Variants in GYS2 observed in about 807,000 individuals in gnomAD.
GYS2 encodes glycogen [starch] synthase, liver.
A neutral mutation model predicts 85.6 loss-of-function variants in GYS2; 80 were observed. The observed-to-expected ratio is 0.93, with a 90% confidence interval of 0.78 to 1.13. GYS2 has a LOEUF of 1.13. GYS2 is among the 50% of genes most tolerant of loss of function. The pLI is 0.00. For missense variants in GYS2, 881 were observed against 854.9 expected (o/e 1.03, Z -0.38); for synonymous variants, 328 against 300.7 (o/e 1.09, Z -0.94).
chr12:21,548,215 T>TA (rs201638192), intron 11 of GYS2, among the ~76,000 whole-genome samples: 3 of 151,504 alleles, frequency 2.0e-5, no homozygotes, highest in South Asian at 2.1e-4. Flanking sequence ...ATGGAGAAAA[T>TA]TTTTTTTTTG....
At chr12:21,561,876 G>A (rs1437708326) in intron 7 of GYS2, among the ~76,000 whole-genome samples, 1 of 152,044 alleles carries the variant, frequency 6.6e-6, no homozygotes, top group African/African-American at 2.4e-5. Context: ...CTGCTCTAAA[G>A]CAAAAAATTT....
chr12:21,604,660 A>G lies in GYS2; in HGVS notation c.-68T>C. 6.2e-7 allele frequency: 1 copy of G among 1,605,972 alleles called. No homozygotes were observed. Among genetic ancestry groups the G allele is most frequent in the Non-Finnish European group, 8.5e-7 (1 of 1,174,806 alleles). On this transcript the variant is annotated 5_prime_UTR_variant, in exon 1 of 16. Coordinates refer to ENST00000261195, the MANE Select transcript of GYS2 (RefSeq NM_021957.4). ...ATTAGTTGTAATCCCAGGAGAAGAGAACTTACAGGCACAAAAGTTAGAGTT... is the reference window on the plus strand; with the variant it reads ...ATTAGTTGTAATCCCAGGAGAAGAGGACTTACAGGCACAAAAGTTAGAGTT...
intron 7 of GYS2, 42 bp downstream of exon 7, chr12:21,562,876 C>T (rs753693698): frequency 2.7e-5 from 43 of 1,608,378 alleles, no homozygotes; most frequent in Non-Finnish European, 8.5e-7. Context: ...GAAGAAAGTT[C>T]TCCCTACAAG....
intron 2 of GYS2, among the ~76,000 whole-genome samples, chr12:21,577,140 T>C (rs1944455556): frequency 6.6e-6 from 1 of 152,154 alleles, no homozygotes; most frequent in African/African-American, 2.4e-5. Flanking sequence ...ATGTTTCAGT[T>C]GTTTCCATTA....
At chr12:21,548,982 T>A (rs1944074575) in intron 11 of GYS2, among the ~76,000 whole-genome samples, 1 of 152,188 alleles carries the variant, frequency 6.6e-6, no homozygotes. Context: ...CTACAAATCA[T>A]GGCTTGATTT....
chr12:21,604,010 A>T (rs1159563821), intron 1 of GYS2, among the ~76,000 whole-genome samples: 1 of 152,176 alleles, frequency 6.6e-6, no homozygotes, highest in Non-Finnish European at 1.5e-5. Flanking sequence ...CATTAATTCC[A>T]AGCTAATTGT....
At chr12:21,546,559 A>T (rs553595296) in intron 11 of GYS2, 89 bp from the exon 12 acceptor site, 7 of 753,038 alleles carry the variant, frequency 9.3e-6, no homozygotes, top group Admixed American at 7.8e-5. Context: ...TCAGTACTCT[A>T]CTATAGAATC....
chr12:21,560,737 A>ATT (rs1394749928), intron 7 of GYS2, among the ~76,000 whole-genome samples: 1 of 152,190 alleles, frequency 6.6e-6, no homozygotes, highest in Non-Finnish European at 1.5e-5. Context: ...TTCAATCAGT[A>ATT]TTTGTCAGTT....
intron 1 of GYS2, among the ~76,000 whole-genome samples, chr12:21,596,959 A>G (rs1944703638): frequency 6.6e-6 from 1 of 152,160 alleles, no homozygotes; most frequent in African/African-American, 2.4e-5. Context: ...ACCAACAGCA[A>G]CCAAATGGAG....
Position 21,536,990 on chromosome 12 carries a change from A to T in GYS2, c.2076T>A (p.His692Gln). ...ATTCACCATGCAGCTTTTTCTTCCC[A>T]TGAGGAACGTGGCTCAGTGAAAATG... ...KSPFSLSHVP[H>Q]GKKKLHGEYK... is the part of the protein sequence containing the mutation. Residue 692 changes from histidine to glutamine, a missense_variant, in exon 16 of 16, where the codon CAT (histidine) becomes CAA (glutamine). His to Gln is a conservative substitution (Grantham distance 24). Transcript: ENST00000261195. 1 of 1,613,898 alleles carries T rather than the reference A, an allele frequency of 6.2e-7. No individual in the cohort carries two copies. Among genetic ancestry groups the T allele is most frequent in the East Asian group, 2.2e-5 (1 of 44,884 alleles).
At chr12:21,601,397 C>T (rs1208248572) in intron 1 of GYS2, among the ~76,000 whole-genome samples, 2 of 152,110 alleles carry the variant, frequency 1.3e-5, no homozygotes, top group African/African-American at 2.4e-5. Flanking sequence ...TATTAACTCC[C>T]CCTGAGCTTC....
chr12:21,558,043 T>C (rs142337061), intron 11 of GYS2, among the ~76,000 whole-genome samples, 157 bp downstream of exon 11: 2 of 152,350 alleles, frequency 1.3e-5, no homozygotes, highest in South Asian at 2.1e-4. Flanking sequence ...ATATTCATTA[T>C]ACTTTAGTTA....
chr12:21,566,317 A>G (rs1358258771), intron 5 of GYS2, among the ~76,000 whole-genome samples: 1 of 152,120 alleles, frequency 6.6e-6, no homozygotes, highest in African/African-American at 2.4e-5. Flanking sequence ...AAGAAAAATC[A>G]AGGAATACAA....
intron 11 of GYS2, among the ~76,000 whole-genome samples, chr12:21,555,604 G>A (rs1228482048): frequency 6.6e-6 from 1 of 152,024 alleles, no homozygotes; most frequent in Non-Finnish European, 1.5e-5. Flanking sequence ...CTGATCTTCA[G>A]GTAAGGGACT....
intron 11 of GYS2, among the ~76,000 whole-genome samples, chr12:21,557,180 T>C (rs1388688389): frequency 6.6e-6 from 1 of 152,204 alleles, no homozygotes; most frequent in Non-Finnish European, 1.5e-5. Flanking sequence ...ATGGGTTCAT[T>C]TGAAAAGATT....
intron 1 of GYS2, among the ~76,000 whole-genome samples, chr12:21,591,922 T>A (rs1944643855): frequency 6.6e-6 from 1 of 152,048 alleles, no homozygotes; most frequent in Admixed American, 6.6e-5. Flanking sequence ...ATAAATAAAA[T>A]CTTTTCTGGG....
At chr12:21,599,110 C>CTA (rs1021318260) in intron 1 of GYS2, among the ~76,000 whole-genome samples, 2 of 151,794 alleles carry the variant, frequency 1.3e-5, no homozygotes, top group African/African-American at 2.4e-5. Flanking sequence ...CTGTCTCTCT[C>CTA]TCTATATATA....
intron 5 of GYS2, among the ~76,000 whole-genome samples, chr12:21,567,531 G>GTT (rs76569569): frequency 2.1e-4 from 27 of 128,320 alleles, no homozygotes; most frequent in Admixed American, 1.0e-3. Flanking sequence ...GTTCTATCTT[G>GTT]TTTTTTTTTT....
At chr12:21,587,208 G>T (rs1944583777) in intron 1 of GYS2, among the ~76,000 whole-genome samples, 1 of 152,158 alleles carries the variant, frequency 6.6e-6, no homozygotes, top group African/African-American at 2.4e-5. Flanking sequence ...TAGGAGTATG[G>T]TGAGGACTGA....
Sources: allele counts gnomAD v4.1 joint callset (sites outside exome capture counted in the v4.1 genomes callset), GRCh38; gene constraint gnomAD v4.1.1; transcripts MANE v1.5; gene names NCBI Gene and HGNC (gene_info 2026-07-23, HGNC 2026-07-21).